The following ASAH2 variants were observed in gnomAD, a reference collection of about 807,000 sequenced individuals.
The protein encoded by ASAH2 is N-acylsphingosine amidohydrolase 2.
Under a neutral mutation model 82.9 loss-of-function variants are expected in ASAH2, and 58 were observed. The ratio of observed to expected loss-of-function variants is 0.70; its 90% CI spans 0.57 to 0.87. The LOEUF (loss-of-function observed/expected upper bound fraction) is 0.87, where lower values mean the gene tolerates loss of function less well. Among genes scored for constraint, ASAH2 ranks in the 40% least tolerant of loss-of-function variants. ASAH2 has a pLI of 0.00. For missense variants in ASAH2, 779 were observed against 834.0 expected, an observed-to-expected ratio of 0.93 and a Z score of 0.81; for synonymous variants, 276 against 289.7, an observed-to-expected ratio of 0.95 and a Z score of 0.48.
rs764899771 is a variant in ASAH2 at position 50,218,568 on chromosome 10, A to T, written c.956T>A (p.Val319Glu). The T allele has an allele frequency of 6.2e-7, 1 of 1,613,790 alleles. No individual in the cohort carries two copies. Among genetic ancestry groups the T allele is most frequent in the East Asian group, 2.2e-5 (1 of 44,854 alleles). Residue 319 changes from valine (V) to glutamate (E), a missense_variant, in exon 8 of 21, where the codon GTG (valine) becomes GAG (glutamate). Physicochemically the swap from Val to Glu is moderately radical, Grantham distance 121. Coordinates refer to ENST00000682911, the MANE Select transcript of ASAH2 (RefSeq NM_019893.4). ...CTCAAGCAGGTAAGATGCATAGCCCACATTGTCACTGTTTACAAGATGGTT... is the reference window on the plus strand; with the variant it reads ...CTCAAGCAGGTAAGATGCATAGCCCTCATTGTCACTGTTTACAAGATGGTT... ...NSNHLVNSDN[V>E]GYASYLLEQE...
intron 7 of ASAH2, among the ~76,000 whole-genome samples, chr10:50,226,794 C>T (rs1206564374): frequency 6.6e-6 from 1 of 151,958 alleles, no homozygotes; most frequent in Non-Finnish European, 1.5e-5. Context: ...CTGCATTGTT[C>T]TATTGTTCAA....
At chr10:50,242,622 C>T (rs1221154696) in intron 4 of ASAH2, among the ~76,000 whole-genome samples, 4 of 135,890 alleles carry the variant, frequency 2.9e-5, no homozygotes, top group East Asian at 2.1e-4. Context: ...GTTGCTTGCT[C>T]GCTTTCTATC....
chr10:50,235,409 G>A (rs1846132003), intron 5 of ASAH2, among the ~76,000 whole-genome samples: 2 of 151,996 alleles, frequency 1.3e-5, no homozygotes, highest in Admixed American at 1.3e-4. Flanking sequence ...GGAGTTTAAG[G>A]GTATTTGTCA....
At chr10:50,240,362 C>T (rs1846264512) in intron 4 of ASAH2, 1 of 686,446 alleles carries the variant, frequency 1.5e-6, no homozygotes, top group African/African-American at 1.8e-5. Context: ...ATGATGATTA[C>T]TGTTTTCTTA....
intron 2 of ASAH2, among the ~76,000 whole-genome samples, chr10:50,248,126 C>T (rs1262677949): frequency 6.6e-6 from 1 of 152,142 alleles, no homozygotes; most frequent in African/African-American, 2.4e-5. Flanking sequence ...CTCCTTTTGC[C>T]CCCAGGAGAA....
At chr10:50,248,697 AG>A in intron 1 of ASAH2, 51 bp from the exon 2 acceptor site, 1 of 1,367,416 alleles carries the variant, frequency 7.3e-7, no homozygotes, top group African/African-American at 1.5e-5. Flanking sequence ...AAGCCAACCG[AG>A]GTTAAGATAT....
chr10:50,220,905 T>C (rs1845727541), intron 7 of ASAH2, among the ~76,000 whole-genome samples: 1 of 150,536 alleles, frequency 6.6e-6, no homozygotes, highest in African/African-American at 2.4e-5. Flanking sequence ...TTGCTAATTA[T>C]TGAATCTGGG....
At chr10:50,225,041 T>C (rs1589343661) in intron 7 of ASAH2, among the ~76,000 whole-genome samples, 1 of 152,216 alleles carries the variant, frequency 6.6e-6, no homozygotes, top group Non-Finnish European at 1.5e-5. Flanking sequence ...AGAAGTGATG[T>C]ACGTTCTCAA....
chr10:50,244,557 A>ACC, intron 3 of ASAH2, among the ~76,000 whole-genome samples: 1 of 152,210 alleles, frequency 6.6e-6, no homozygotes, highest in African/African-American at 2.4e-5. Context: ...TTTCCTAGTG[A>ACC]AGCACTGACA....
rs142715138 is a variant in ASAH2 at position 50,245,145 on chromosome 10, T to A, written c.360+77A>T. The A allele has an allele frequency of 4.5e-5, 55 of 1,209,074 alleles. No homozygotes were observed. In the African/African-American group the frequency reaches 8.0e-4, roughly 18 times the overall value. The allele number at this position is 1,209,074 out of a possible 1,614,324, so 74.9% of individuals were successfully genotyped here. Reference sequence around the variant, plus strand: ...GAAGATAATGATGATGTTGTAATAATCAGAAATGAATGCAGGTTGTAAAAT... The same window carrying A: ...GAAGATAATGATGATGTTGTAATAAACAGAAATGAATGCAGGTTGTAAAAT... On this transcript the variant is annotated intron_variant, in intron 3 of 20. Coordinates refer to ENST00000682911, the MANE Select transcript of ASAH2 (RefSeq NM_019893.4).
At chr10:50,248,742 A>C in intron 1 of ASAH2, 96 bp from the exon 2 acceptor site, 1 of 940,178 alleles carries the variant, frequency 1.1e-6, no homozygotes, top group Non-Finnish European at 1.6e-6. Context: ...CTATACCAAG[A>C]ACGACAAGTA....
chr10:50,208,349 G>T (rs923313216), intron 12 of ASAH2, among the ~76,000 whole-genome samples: 4 of 151,862 alleles, frequency 2.6e-5, no homozygotes, highest in African/African-American at 4.8e-5. Context: ...GATTGGAAAA[G>T]AAAAATTAAA....
rs572519340 is a variant in ASAH2 at position 50,232,832 on chromosome 10, T to C, written c.893+352A>G. Among the ~76,000 whole-genome samples, 155 of 152,266 alleles carry C rather than the reference T, an allele frequency of 1.0e-3. 1 individual carries two copies. Among genetic ancestry groups the C allele is most frequent in the African/African-American group, 3.6e-3 (150 of 41,554 alleles). On this transcript the variant is annotated intron_variant, in intron 7 of 20. Transcript: ENST00000682911. ...TTTTTTCATTTTACTAGGAGATAAC[T>C]GTATACCATCATGGAAGTTCCACAT...
In ASAH2 at chr10:50,206,067, G is replaced by A. The variant is rs1564836630; in HGVS notation, c.1445C>T (p.Thr482Ile). 2 of 1,612,502 alleles carry A rather than the reference G, an allele frequency of 1.2e-6. No individual in the cohort carries two copies. Among genetic ancestry groups the A allele is most frequent in the East Asian group, 4.5e-5 (2 of 44,824 alleles). Residue 482 changes from threonine to isoleucine, a missense_variant, in exon 13 of 21, where the codon ACC becomes ATC. This residue lies in a region of ASAH2 where 759 missense variants were observed against 755.2 expected (regional missense o/e 1.00). Coordinates refer to ENST00000682911, the MANE Select transcript of ASAH2 (RefSeq NM_019893.4). Reference protein sequence around the residue: ...GKTEGDPFWDTIRDQILGKPS... With the variant: ...GKTEGDPFWDIIRDQILGKPS... ...CTTTCCCAGGATCTGGTCCCGAATG[G>A]TGTCCCAAAATGGATCCCCTTCTGT...
chr10:50,214,683 T>G, intron 9 of ASAH2, 60 bp downstream of exon 9: 1 of 1,594,300 alleles, frequency 6.3e-7, no homozygotes, highest in Non-Finnish European at 8.6e-7. Flanking sequence ...TGATAAATAT[T>G]CAAACATAAA....
At position 50,204,935 on chromosome 10, in the gene ASAH2, C is replaced by A; in HGVS notation, c.1551G>T (p.Trp517Cys). The A allele has an allele frequency of 6.2e-7, 1 of 1,610,386 alleles. No homozygotes were observed. The highest frequency in any genetic ancestry group is 8.5e-7 in the Non-Finnish European group (1 of 1,178,280). ...HTGELSKPHPWHPDIVDVQII... is the reference protein window; with the variant it reads ...HTGELSKPHPCHPDIVDVQII... ...TCTGAACATCAACAATGTCTGGATGCCAGGGGTGAGGTTTTGATAGCTGAG... is the reference window on the plus strand; with the variant it reads ...TCTGAACATCAACAATGTCTGGATGACAGGGGTGAGGTTTTGATAGCTGAG... The change falls in exon 14 of 21, where the codon TGG becomes TGT. Residue 517 changes from tryptophan (W) to cysteine (C), a missense_variant. Physicochemically the swap from Trp to Cys is radical, Grantham distance 215. Coordinates refer to ENST00000682911, the MANE Select transcript of ASAH2 (RefSeq NM_019893.4).
At chr10:50,237,338 C>T (rs1055926726) in intron 4 of ASAH2, among the ~76,000 whole-genome samples, 29 of 152,184 alleles carry the variant, frequency 1.9e-4, no homozygotes, top group African/African-American at 7.0e-4. Flanking sequence ...TGCTAGCCAT[C>T]TGAGTGAGCA....
At chr10:50,232,854 A>ACATGTGAG (rs1474780073) in intron 7 of ASAH2, among the ~76,000 whole-genome samples, 1 of 152,136 alleles carries the variant, frequency 6.6e-6, no homozygotes, top group Admixed American at 6.6e-5. Flanking sequence ...TGGAAGTTCC[A>ACATGTGAG]CATGTGAGAT....
intron 5 of ASAH2, among the ~76,000 whole-genome samples, chr10:50,235,658 T>A (rs1846140415): frequency 6.6e-6 from 1 of 152,140 alleles, no homozygotes; most frequent in Non-Finnish European, 1.5e-5. Context: ...ATAACTACAT[T>A]GGGCTTAGTC....
Sources: gnomAD v4.1 joint callset for allele counts (sites outside exome capture counted in the v4.1 genomes callset) on GRCh38, gnomAD v4.1.1 for gene constraint, gnomAD v4.1.1 regional missense constraint, MANE v1.5 for transcripts, NCBI Gene and HGNC (gene_info 2026-07-23, HGNC 2026-07-21) for gene names.